CDH12: variants seen among roughly 807,000 people sequenced by gnomAD.
CDH12 encodes cadherin 12, also known as cadherin-12.
In CDH12, 41 loss-of-function variants were observed where a neutral mutation model predicts 74.1. That is an observed-to-expected ratio of 0.55 (90% CI 0.43 to 0.72). The LOEUF is 0.72. Ranked by LOEUF, CDH12 falls within the 30% of genes least tolerant of loss-of-function variation. The pLI, the probability that CDH12 is intolerant of heterozygous loss-of-function variation, is 0.00. For synonymous variants in CDH12, 399 were observed against 355.0 expected, an observed-to-expected ratio of 1.12 and a Z score of -1.39; for missense variants, 945 against 977.2, an observed-to-expected ratio of 0.97 and a Z score of 0.44.
At chr5:22,809,181 C>A (rs1362439751) in intron 1 of CDH12, among the ~76,000 whole-genome samples, 2 of 151,558 alleles carry the variant, frequency 1.3e-5, no homozygotes, top group Non-Finnish European at 2.9e-5. Flanking sequence ...TGAGTGCAGA[C>A]TTTTAAATAT....
intron 11 of CDH12, among the ~76,000 whole-genome samples, chr5:21,772,403 A>C (rs1745369419): frequency 6.6e-6 from 1 of 151,968 alleles, no homozygotes; most frequent in South Asian, 2.1e-4. Context: ...TCTCTTTCCT[A>C]TTCTGAAATC....
intron 1 of CDH12, among the ~76,000 whole-genome samples, chr5:22,605,034 TG>T (rs542393479): frequency 1.8e-3 from 275 of 151,682 alleles, no homozygotes; most frequent in African/African-American, 5.8e-3. Flanking sequence ...ACATTGTTTT[TG>T]GATGAGATTA....
chr5:21,902,517 A>C (rs1303854742), intron 6 of CDH12, among the ~76,000 whole-genome samples: 1 of 152,072 alleles, frequency 6.6e-6, no homozygotes, highest in African/African-American at 2.4e-5. Context: ...TCATATGTCC[A>C]TTATATCTGA....
At chr5:22,647,376 A>G (rs751086144) in intron 1 of CDH12, among the ~76,000 whole-genome samples, 5 of 151,746 alleles carry the variant, frequency 3.3e-5, no homozygotes, top group Non-Finnish European at 7.4e-5. Context: ...TTCTCTATAT[A>G]TTATAATTTA....
chr5:22,575,624 T>C (rs1340398474), intron 1 of CDH12, among the ~76,000 whole-genome samples: 1 of 152,074 alleles, frequency 6.6e-6, no homozygotes, highest in African/African-American at 2.4e-5. Context: ...GAGTGCACTG[T>C]TGCGATCTCG....
intron 2 of CDH12, among the ~76,000 whole-genome samples, chr5:22,454,763 C>T (rs1745197883): frequency 6.6e-6 from 1 of 152,216 alleles, no homozygotes; most frequent in African/African-American, 2.4e-5. Context: ...GCCTGAGCCA[C>T]TGTGCCCAGC....
chr5:22,586,949 T>C (rs269875), intron 1 of CDH12, among the ~76,000 whole-genome samples: 82,558 of 150,290 alleles, frequency 0.55, 22,927 homozygotes, highest in East Asian at 0.68. Context: ...TGGGTTCAAG[T>C]GATTCTCGTA....
chr5:22,291,142 G>A (rs1210342735), intron 3 of CDH12, among the ~76,000 whole-genome samples: 2 of 152,048 alleles, frequency 1.3e-5, no homozygotes, highest in Admixed American at 1.3e-4. Flanking sequence ...AATAGGAGCA[G>A]AAAAAGCATT....
intron 4 of CDH12, among the ~76,000 whole-genome samples, chr5:22,106,495 G>A (rs1322155044): frequency 6.6e-6 from 1 of 152,038 alleles, no homozygotes; most frequent in Non-Finnish European, 1.5e-5. Flanking sequence ...AATATAACAA[G>A]GGAAAATATT....
intron 1 of CDH12, among the ~76,000 whole-genome samples, chr5:22,806,598 C>G (rs899336869): frequency 2.0e-5 from 3 of 152,062 alleles, no homozygotes; most frequent in Non-Finnish European, 2.9e-5. Context: ...TCGTGATCCG[C>G]CCGCCTCGGC....
chr5:22,797,301 G>A (rs1661986), intron 1 of CDH12, among the ~76,000 whole-genome samples: 7,031 of 151,438 alleles, frequency 0.046, 542 homozygotes, highest in African/African-American at 0.16. Flanking sequence ...TCAGACACCA[G>A]AGCTGACAGC....
In CDH12 at chr5:21,800,848, T is replaced by C. The variant is rs146934223; in HGVS notation, c.1256+1319A>G. Among the ~76,000 whole-genome samples, 170 of 152,288 alleles carry C rather than the reference T, an allele frequency of 1.1e-3. 1 individual carries two copies. Among genetic ancestry groups the C allele is most frequent in the Non-Finnish European group, 1.9e-3 (132 of 68,026 alleles). On this transcript the variant is annotated intron_variant, in intron 10 of 14. Coordinates refer to ENST00000382254, the MANE Select transcript of CDH12 (RefSeq NM_004061.5). ...GTTTCATAAGTTGTTTGACTGTTCC[T>C]CCTTCACACGTTGTGTCTTGCCTGC...
intron 11 of CDH12, among the ~76,000 whole-genome samples, chr5:21,775,068 T>C (rs1408413983): frequency 6.6e-6 from 1 of 152,168 alleles, no homozygotes; most frequent in African/African-American, 2.4e-5. Flanking sequence ...TCCAGGTGTC[T>C]CTGATGCAGG....
intron 1 of CDH12, among the ~76,000 whole-genome samples, chr5:22,512,997 AC>A (rs1736674959): frequency 6.6e-6 from 1 of 152,174 alleles, no homozygotes; most frequent in Non-Finnish European, 1.5e-5. Flanking sequence ...AGATCCCGCC[AC>A]TGCAGTCCAG....
chr5:22,614,995 C>T (rs1399981445), intron 1 of CDH12, among the ~76,000 whole-genome samples: 5 of 151,716 alleles, frequency 3.3e-5, no homozygotes, highest in South Asian at 2.1e-4. Flanking sequence ...AAGAGTGTGT[C>T]GGTGTAAGAT....
chr5:22,400,436 T>C (rs1331019607), intron 3 of CDH12, among the ~76,000 whole-genome samples: 1 of 151,940 alleles, frequency 6.6e-6, no homozygotes, highest in East Asian at 1.9e-4. Flanking sequence ...GAAAAATGAA[T>C]ACTGTGCTTG....
chr5:22,336,374 T>A (rs538581140), intron 3 of CDH12, among the ~76,000 whole-genome samples: 2 of 152,316 alleles, frequency 1.3e-5, no homozygotes, highest in South Asian at 4.1e-4. Context: ...GAGCCAAATG[T>A]TAATCCCCAA....
At chr5:21,885,642 C>A (rs1752590249) in intron 6 of CDH12, among the ~76,000 whole-genome samples, 1 of 152,134 alleles carries the variant, frequency 6.6e-6, no homozygotes, top group African/African-American at 2.4e-5. Flanking sequence ...CAAAAAATAT[C>A]TTCATAGGAC....
chr5:22,053,861 C>A (rs1740559011), intron 5 of CDH12, among the ~76,000 whole-genome samples: 2 of 151,994 alleles, frequency 1.3e-5, no homozygotes, highest in Admixed American at 1.3e-4. Flanking sequence ...CCATATTTCC[C>A]TCTGCCTTAG....
Sources: allele counts gnomAD v4.1 joint callset (sites outside exome capture counted in the v4.1 genomes callset), GRCh38; gene constraint gnomAD v4.1.1; transcripts MANE v1.5; gene names NCBI Gene and HGNC (gene_info 2026-07-23, HGNC 2026-07-21).